The following TANC1 variants were observed in gnomAD, a reference collection of about 807,000 sequenced individuals.
The protein encoded by TANC1 is tetratricopeptide repeat, ankyrin repeat and coiled-coil containing 1, also known as protein TANC1.
A neutral mutation model predicts 149.7 loss-of-function variants in TANC1; 77 were observed. The ratio of observed to expected loss-of-function variants is 0.51; its 90% CI spans 0.43 to 0.62. The LOEUF is 0.62. TANC1 is among the 20% of genes least tolerant of loss of function. The pLI is 0.00. For synonymous variants in TANC1, 854 were observed against 925.0 expected (o/e 0.92, Z 1.39); for missense variants, 1,985 against 2,321.8 (o/e 0.85, Z 2.98).
intron 4 of TANC1, among the ~76,000 whole-genome samples, chr2:159,128,353 C>T (rs1387519090): frequency 6.6e-6 from 1 of 152,166 alleles, no homozygotes; most frequent in African/African-American, 2.4e-5. Flanking sequence ...ACCCTGTATC[C>T]CAGGAGTTGT....
At chr2:159,011,362 A>G in intron 2 of TANC1, among the ~76,000 whole-genome samples, 1 of 152,138 alleles carries the variant, frequency 6.6e-6, no homozygotes, top group Middle Eastern at 3.2e-3. Context: ...TAAAGATAGT[A>G]AGATCTCAAA....
chr2:158,982,069 T>A (rs191376289), intron 1 of TANC1, among the ~76,000 whole-genome samples: 3 of 152,282 alleles, frequency 2.0e-5, no homozygotes, highest in African/African-American at 7.2e-5. Context: ...GCTAGTTGTA[T>A]GTCTGGGAAA....
chr2:159,182,978 C>A (rs943580714), intron 14 of TANC1, among the ~76,000 whole-genome samples: 7 of 152,192 alleles, frequency 4.6e-5, no homozygotes, highest in Non-Finnish European at 8.8e-5. Context: ...AATGAGCAGG[C>A]CGTGTTCTGC....
chr2:159,004,343 G>T (rs2036928818), intron 2 of TANC1: 1 of 1,606,742 alleles, frequency 6.2e-7, no homozygotes, highest in Admixed American at 1.7e-5. Context: ...TTTGGAAGCT[G>T]GCATGGACTA....
chr2:159,178,336 A>G (rs780681171), intron 13 of TANC1, among the ~76,000 whole-genome samples: 12 of 152,222 alleles, frequency 7.9e-5, no homozygotes, highest in Admixed American at 3.3e-4. Context: ...TGAGGGCCTC[A>G]GGATAGCACT....
intron 2 of TANC1, among the ~76,000 whole-genome samples, chr2:159,044,548 C>T (rs2040895409): frequency 6.6e-6 from 1 of 152,144 alleles, no homozygotes; most frequent in East Asian, 1.9e-4. Flanking sequence ...TCTAGTAGGA[C>T]TCAGATACTC....
At chr2:159,179,633 A>G (rs569841673) in intron 14 of TANC1, among the ~76,000 whole-genome samples, 1 of 152,280 alleles carries the variant, frequency 6.6e-6, no homozygotes, top group South Asian at 2.1e-4. Flanking sequence ...GACTTGTCCC[A>G]GGGATCAGGT....
intron 18 of TANC1, 86 bp from the exon 19 acceptor site, chr2:159,198,889 C>T (rs1242291454): frequency 6.5e-6 from 6 of 926,324 alleles, no homozygotes; most frequent in South Asian, 5.8e-5. Flanking sequence ...GGTTAAAAAA[C>T]AACACACTGT....
chr2:159,044,296 T>C (rs2040875730), intron 2 of TANC1, among the ~76,000 whole-genome samples: 1 of 151,430 alleles, frequency 6.6e-6, no homozygotes, highest in Non-Finnish European at 1.5e-5. Context: ...AATGGCTGGG[T>C]TATGGTGGCA....
At chr2:159,148,899 T>A (rs1370536376) in intron 5 of TANC1, 8 of 354,024 alleles carry the variant, frequency 2.3e-5, no homozygotes, top group Non-Finnish European at 3.5e-5. Context: ...TGCCGTCAGA[T>A]AACACTGGGC....
At chr2:158,983,468 C>CAAAAAAAAAAAAAAAAAAAAAAAAA (rs35472970) in intron 1 of TANC1, among the ~76,000 whole-genome samples, 17 of 88,802 alleles carry the variant, frequency 1.9e-4, no homozygotes, top group African/African-American at 7.4e-4. Context: ...CTCCGTCTCC[C>CAAAAAAAAAAAAAAAAAAAAAAAAA]AAAAAAAAAA....
intron 15 of TANC1, 37 bp downstream of exon 15, chr2:159,185,936 T>C (rs1216342140): frequency 1.3e-6 from 2 of 1,491,486 alleles, no homozygotes; most frequent in East Asian, 2.3e-5. Flanking sequence ...GGTTTCTTTG[T>C]TGTCATTTTG....
chr2:159,059,844 A>G (rs2042100346), intron 2 of TANC1, among the ~76,000 whole-genome samples: 1 of 147,284 alleles, frequency 6.8e-6, no homozygotes, highest in Non-Finnish European at 1.5e-5. Flanking sequence ...AGGGTTTTCC[A>G]TGAGTTTCTA....
At chr2:159,169,542 T>G (rs1364006114) in intron 9 of TANC1, among the ~76,000 whole-genome samples, 170 bp downstream of exon 9, 1 of 152,224 alleles carries the variant, frequency 6.6e-6, no homozygotes, top group Non-Finnish European at 1.5e-5. Flanking sequence ...CTCAACAGTT[T>G]GGGGCTTCTT....
At chr2:159,005,549 C>T (rs1165373251) in intron 2 of TANC1, among the ~76,000 whole-genome samples, 1 of 152,176 alleles carries the variant, frequency 6.6e-6, no homozygotes, top group Admixed American at 6.5e-5. Context: ...GATCACACCA[C>T]TGCACTCCAA....
At chr2:159,207,719 AAAAAAAAAC>A (rs2058716748) in intron 19 of TANC1, among the ~76,000 whole-genome samples, 5 of 149,604 alleles carry the variant, frequency 3.3e-5, no homozygotes, top group African/African-American at 1.2e-4. Context: ...AAAAAAAAAA[AAAAAAAAAC>A]AACTCAGACT....
At chr2:159,096,374 C>A (rs1241610492) in intron 3 of TANC1, among the ~76,000 whole-genome samples, 2 of 149,348 alleles carry the variant, frequency 1.3e-5, no homozygotes, top group African/African-American at 5.0e-5. Flanking sequence ...GTGATTACAT[C>A]CTTTCTGCTT....
At chr2:159,099,440 TC>T (rs1240862364) in intron 4 of TANC1, among the ~76,000 whole-genome samples, 1 of 152,072 alleles carries the variant, frequency 6.6e-6, no homozygotes, top group Non-Finnish European at 1.5e-5. Flanking sequence ...TTTTACTTTT[TC>T]TTTATTATCA....
intron 1 of TANC1, among the ~76,000 whole-genome samples, chr2:158,995,388 A>G (rs1559112342): frequency 6.6e-6 from 1 of 152,058 alleles, no homozygotes. Context: ...GTGGAGTGTA[A>G]ATTCCAATGT....
Sources: gnomAD v4.1 joint callset for allele counts (sites outside exome capture counted in the v4.1 genomes callset) on GRCh38, gnomAD v4.1.1 for gene constraint, MANE v1.5 for transcripts, NCBI Gene and HGNC (gene_info 2026-07-23, HGNC 2026-07-21) for gene names.